The following LIN7A variants were observed in gnomAD, a reference collection of about 807,000 sequenced individuals.
LIN7A encodes lin-7 cell polarity scaffold A.
LIN7A carries 25 observed loss-of-function variants against 29.8 expected under a neutral mutation model. The ratio of observed to expected loss-of-function variants is 0.84; its 90% confidence interval spans 0.61 to 1.17. The LOEUF (loss-of-function observed/expected upper bound fraction) is 1.17. LIN7A is among the 50% of genes most tolerant of loss of function. The pLI is 0.00. For synonymous variants in LIN7A, 118 were observed against 107.5 expected, an observed-to-expected ratio of 1.10 and a Z score of -0.60; for missense variants, 239 against 287.0, an observed-to-expected ratio of 0.83 and a Z score of 1.21.
intron 2 of LIN7A, among the ~76,000 whole-genome samples, chr12:80,880,757 A>G (rs1309594161): frequency 3.6e-5 from 5 of 137,202 alleles, no homozygotes; most frequent in African/African-American, 1.0e-4. Flanking sequence ...CAACGCACAC[A>G]CACACACACA....
chr12:80,816,505 C>T (rs1871545422), intron 4 of LIN7A, among the ~76,000 whole-genome samples: 1 of 151,422 alleles, frequency 6.6e-6, no homozygotes, highest in Admixed American at 6.6e-5. Context: ...ATGGAGCCTT[C>T]AAAAAGTTGT....
chr12:80,832,749 G>A, intron 4 of LIN7A: 1 of 404,186 alleles, frequency 2.5e-6, no homozygotes, highest in South Asian at 1.8e-5. Flanking sequence ...ATGGCATAGT[G>A]TACAATGTGT....
chr12:80,848,057 C>T (rs1197664894), intron 3 of LIN7A, 194 bp downstream of exon 3: 11 of 678,568 alleles, frequency 1.6e-5, no homozygotes, highest in Admixed American at 1.0e-4. Context: ...TCTTAAGCTA[C>T]AGAAGCAGCA....
chr12:80,817,273 T>C (rs1871581217), intron 4 of LIN7A, among the ~76,000 whole-genome samples: 2 of 152,066 alleles, frequency 1.3e-5, no homozygotes, highest in South Asian at 4.2e-4. Flanking sequence ...ATGTGCTCTC[T>C]CTCTCCCGCT....
Position 80,817,298 on chromosome 12 carries a change from A to C in LIN7A, c.484-5615T>G, listed in dbSNP as rs527401826. On this transcript the variant is annotated intron_variant, in intron 4 of 5. Coordinates refer to ENST00000552864, the MANE Select transcript of LIN7A (RefSeq NM_004664.4). ...TCTCTCCCGCTTCCATAGAGGGTTAAATTTTGACCCTGGCTAGATCTCAGA... is the reference window on the plus strand; with the variant it reads ...TCTCTCCCGCTTCCATAGAGGGTTACATTTTGACCCTGGCTAGATCTCAGA... 3.9e-5 allele frequency among the ~76,000 whole-genome samples: 6 copies of C among 152,168 alleles called. No homozygotes were observed. In the South Asian group the frequency reaches 8.3e-4, roughly 21 times the overall value.
rs1295485779 is a variant in LIN7A, at chr12:80,795,256, T to C, written c.*2471A>G. 6.6e-6 allele frequency: 1 copy of C among 152,110 alleles called. No homozygotes were observed. Among genetic ancestry groups the C allele is most frequent in the Non-Finnish European group, 1.5e-5 (1 of 67,990 alleles). 9.4% of individuals were successfully genotyped at this position (152,110 alleles called of 1,614,324 possible). On this transcript the variant is annotated 3_prime_UTR_variant, in exon 6 of 6. Coordinates refer to ENST00000552864, the MANE Select transcript of LIN7A (RefSeq NM_004664.4). ...GGCTTAAGTCTTAGTGATGGCTACCTCTGATTAAAACTTTAGGAAAAGACT... is the reference window on the plus strand; with the variant it reads ...GGCTTAAGTCTTAGTGATGGCTACCCCTGATTAAAACTTTAGGAAAAGACT...
chr12:80,829,554 A>C (rs1872244846), intron 4 of LIN7A, among the ~76,000 whole-genome samples: 1 of 152,164 alleles, frequency 6.6e-6, no homozygotes, highest in African/African-American at 2.4e-5. Flanking sequence ...ATTATGAAAT[A>C]CTTCATGTTT....
chr12:80,898,504 T>A (rs1023018182), intron 1 of LIN7A, among the ~76,000 whole-genome samples: 6 of 152,188 alleles, frequency 3.9e-5, no homozygotes, highest in Non-Finnish European at 7.4e-5. Flanking sequence ...AAAATAGTTT[T>A]TTTTTTCTAA....
At chr12:80,927,879 C>T (rs1261289149) in intron 1 of LIN7A, among the ~76,000 whole-genome samples, 3 of 152,116 alleles carry the variant, frequency 2.0e-5, no homozygotes, top group African/African-American at 7.2e-5. Flanking sequence ...CCCCACAGGC[C>T]TGGCTGTGTG....
intron 4 of LIN7A, among the ~76,000 whole-genome samples, chr12:80,843,756 A>G (rs1371886766): frequency 6.6e-6 from 1 of 152,108 alleles, no homozygotes; most frequent in East Asian, 1.9e-4. Flanking sequence ...AGTTTAGGGG[A>G]TACTAATCCA....
At chr12:80,935,855 A>G (rs760045176) in intron 1 of LIN7A, 8 of 462,726 alleles carry the variant, frequency 1.7e-5, no homozygotes, top group Admixed American at 1.6e-4. Context: ...AATAAATCTT[A>G]GTCCGATTAG....
At chr12:80,881,451 C>A (rs1314594461) in intron 2 of LIN7A, among the ~76,000 whole-genome samples, 1 of 152,038 alleles carries the variant, frequency 6.6e-6, no homozygotes, top group African/African-American at 2.4e-5. Context: ...TTCCAGATGT[C>A]ATTGTGCAAG....
chr12:80,871,033 C>A (rs1565909135), intron 2 of LIN7A, among the ~76,000 whole-genome samples: 1 of 152,054 alleles, frequency 6.6e-6, no homozygotes, highest in Non-Finnish European at 1.5e-5. Context: ...GATCTAAGCC[C>A]CAAGGTCATA....
At chr12:80,886,188 A>C (rs886265534) in intron 2 of LIN7A, among the ~76,000 whole-genome samples, 9 of 133,654 alleles carry the variant, frequency 6.7e-5, no homozygotes, top group Non-Finnish European at 1.2e-4. Flanking sequence ...TTTGAATAAA[A>C]AACTAAAACT....
At chr12:80,898,236 C>T (rs1301399948) in intron 1 of LIN7A, among the ~76,000 whole-genome samples, 1 of 152,182 alleles carries the variant, frequency 6.6e-6, no homozygotes, top group African/African-American at 2.4e-5. Context: ...AAAGCCTTCT[C>T]CATTGCTTGT....
rs1268215864 is a variant in LIN7A, at chr12:80,794,010, G to C, written c.*3717C>G. 6.6e-6 allele frequency: 1 copy of C among 152,074 alleles called. No individual in the cohort carries two copies. The highest frequency in any genetic ancestry group is 1.5e-5 in the Non-Finnish European group (1 of 68,000). 9.4% of individuals were successfully genotyped at this position (152,074 alleles called of 1,614,324 possible). A position where few individuals can be genotyped will look rare whatever the true frequency, so the allele number is the denominator to read the frequency against. ...ACTGTTCAAATGTCCTCAAATCTTT[G>C]AAGCCTTTAAAGTAATTAATGAAAT... On this transcript the variant is annotated 3_prime_UTR_variant, in exon 6 of 6. Coordinates refer to ENST00000552864, the MANE Select transcript of LIN7A (RefSeq NM_004664.4).
At chr12:80,826,803 G>A (rs547704994) in intron 4 of LIN7A, among the ~76,000 whole-genome samples, 9 of 152,194 alleles carry the variant, frequency 5.9e-5, no homozygotes, top group South Asian at 4.1e-4. Flanking sequence ...GATTACAGGC[G>A]TGAGCCACCA....
rs1873172658 is a variant in LIN7A, at chr12:80,848,309, A to G, written c.215T>C (p.Met72Thr). 1.2e-6 allele frequency: 2 copies of G among 1,609,998 alleles called. No individual in the cohort carries two copies. Among genetic ancestry groups the G allele is most frequent in the African/African-American group, 2.7e-5 (2 of 74,862 alleles). The change falls in exon 3 of 6, where the codon ATG (methionine) becomes ACG (threonine). Residue 72 changes from methionine (M) to threonine (T), a missense_variant. By Grantham distance (81) the Met-to-Thr change is moderately conservative (BLOSUM62 -1). Coordinates refer to ENST00000552864, the MANE Select transcript of LIN7A (RefSeq NM_004664.4). ...GCCATTAACAGTTATCGTTTCATGC[A>G]TATATTGATACACCTAAAATGTTCA... is the stretch of plus-strand genomic sequence containing the variant. ...CTAIREVYQY[M>T]HETITVNGCP...
chr12:80,808,827 A>T (rs1871160524), intron 5 of LIN7A, among the ~76,000 whole-genome samples: 1 of 151,800 alleles, frequency 6.6e-6, no homozygotes, highest in Non-Finnish European at 1.5e-5. Context: ...ATTTTTTAGG[A>T]TAGAATGCAA....
Sources: allele counts gnomAD v4.1 joint callset (sites outside exome capture counted in the v4.1 genomes callset), GRCh38; gene constraint gnomAD v4.1.1; transcripts MANE v1.5; gene names NCBI Gene and HGNC (gene_info 2026-07-23, HGNC 2026-07-21).